The following CARMIL1 variants were observed in gnomAD, a reference collection of about 807,000 sequenced individuals.
CARMIL1 encodes the protein F-actin-uncapping protein LRRC16A.
CARMIL1 carries 90 observed loss-of-function variants against 177.1 expected under a neutral mutation model. That is an observed-to-expected ratio of 0.51 (90% CI 0.43 to 0.61). CARMIL1 has a LOEUF of 0.61. Ranked by LOEUF, CARMIL1 falls within the 20% of genes least tolerant of loss-of-function variation. CARMIL1 has a pLI of 0.00. For synonymous variants in CARMIL1, 577 were observed against 606.2 expected, an observed-to-expected ratio of 0.95 and a Z score of 0.71; for missense variants, 1,380 against 1,667.0, an observed-to-expected ratio of 0.83 and a Z score of 3.00.
intron 15 of CARMIL1, 111 bp downstream of exon 15, chr6:25,492,135 C>A (rs570444248): frequency 2.6e-5 from 22 of 846,238 alleles, no homozygotes; most frequent in Non-Finnish European, 3.5e-5. Flanking sequence ...TGAAAGAAGG[C>A]AGCCTTAAGC....
intron 12 of CARMIL1, among the ~76,000 whole-genome samples, chr6:25,485,418 CTTATT>C (rs1214657509): frequency 2.0e-5 from 3 of 152,250 alleles, no homozygotes; most frequent in African/African-American, 7.2e-5. Context: ...GAATTTTTAT[CTTATT>C]TTATTTTATT....
intron 4 of CARMIL1, among the ~76,000 whole-genome samples, chr6:25,429,179 C>G (rs899123884): frequency 6.6e-6 from 1 of 152,110 alleles, no homozygotes; most frequent in East Asian, 1.9e-4. Flanking sequence ...TGGAATAGTT[C>G]CATTGAATAA....
At chr6:25,557,348 C>G (rs1810716134) in intron 29 of CARMIL1, among the ~76,000 whole-genome samples, 1 of 152,068 alleles carries the variant, frequency 6.6e-6, no homozygotes, top group African/African-American at 2.4e-5. Flanking sequence ...ATAATGTTTA[C>G]CTAACTGTAG....
intron 2 of CARMIL1, among the ~76,000 whole-genome samples, chr6:25,313,217 C>T (rs1783977651): frequency 6.6e-6 from 1 of 151,890 alleles, no homozygotes; most frequent in South Asian, 2.1e-4. Context: ...AAAAAAAAAC[C>T]AAGCTTAGAT....
At chr6:25,404,845 G>T (rs1794225606) in intron 2 of CARMIL1, among the ~76,000 whole-genome samples, 1 of 122,414 alleles carries the variant, frequency 8.2e-6, no homozygotes, top group African/African-American at 3.3e-5. Context: ...CCTGTTTCTG[G>T]CAAAGTGCAG....
At chr6:25,607,517 G>A (rs1402997454) in intron 35 of CARMIL1, among the ~76,000 whole-genome samples, 1 of 152,144 alleles carries the variant, frequency 6.6e-6, no homozygotes, top group East Asian at 1.9e-4. Flanking sequence ...AAGTCACGCA[G>A]CTGGTGTGTC....
At chr6:25,407,399 A>T (rs916367559) in intron 2 of CARMIL1, among the ~76,000 whole-genome samples, 5 of 118,694 alleles carry the variant, frequency 4.2e-5, no homozygotes, top group Non-Finnish European at 8.9e-5. Context: ...ACACGAAGGG[A>T]CGGGCATTTA....
intron 2 of CARMIL1, among the ~76,000 whole-genome samples, chr6:25,393,101 CTG>C (rs1307494956): frequency 1.3e-5 from 2 of 151,830 alleles, no homozygotes; most frequent in Non-Finnish European, 2.9e-5. Flanking sequence ...CAGTAGAACT[CTG>C]TTCAGATCTC....
intron 5 of CARMIL1, among the ~76,000 whole-genome samples, chr6:25,438,271 C>T (rs575593527): frequency 8.7e-4 from 132 of 152,266 alleles, no homozygotes; most frequent in African/African-American, 3.0e-3. Flanking sequence ...TTATATATTC[C>T]ATGACTATTT....
chr6:25,435,569 C>A lies in CARMIL1; in HGVS notation c.336C>A (p.Thr112=), dbSNP rs769196410. Residue 112 remains threonine (T), a synonymous_variant, in exon 5 of 37, where the codon ACC becomes ACA. Transcript: ENST00000329474. ...GTGAGGTGCTGGCTCACATAGGCAC[C>A]TGCCTGAGGAAGATATTTCCTGGCC... ...DVSEVLAHIG[T]CLRKIFPGLS... is the part of the protein sequence containing the mutation. 2 of 1,568,210 alleles carry A rather than the reference C, an allele frequency of 1.3e-6. No individual in the cohort carries two copies. Among genetic ancestry groups the A allele is most frequent in the Non-Finnish European group, 1.7e-6 (2 of 1,155,418 alleles).
chr6:25,564,122 A>G (rs61340952), intron 29 of CARMIL1, among the ~76,000 whole-genome samples: 20,685 of 152,190 alleles, frequency 0.14, 1,811 homozygotes, highest in South Asian at 0.19. Context: ...ACATAATAAC[A>G]TATATGTCTT....
At chr6:25,572,827 T>C (rs1409802518) in intron 29 of CARMIL1, among the ~76,000 whole-genome samples, 1 of 149,676 alleles carries the variant, frequency 6.7e-6, no homozygotes, top group African/African-American at 2.5e-5. Context: ...TCATGAAAAA[T>C]AAATGTCTCT....
intron 2 of CARMIL1, among the ~76,000 whole-genome samples, chr6:25,356,033 T>C (rs547091045): frequency 5.1e-4 from 77 of 150,550 alleles, no homozygotes; most frequent in Non-Finnish European, 3.1e-4. Context: ...GGCTGGACTT[T>C]CCTCCTTCTA....
chr6:25,408,313 A>AG (rs1389811072), intron 2 of CARMIL1, among the ~76,000 whole-genome samples: 2 of 150,766 alleles, frequency 1.3e-5, no homozygotes, highest in African/African-American at 4.9e-5. Context: ...AAAAAAAAAA[A>AG]AGATTTCGGG....
intron 2 of CARMIL1, among the ~76,000 whole-genome samples, chr6:25,349,570 T>G (rs1189217671): frequency 6.6e-6 from 1 of 151,984 alleles, no homozygotes; most frequent in Admixed American, 6.6e-5. Flanking sequence ...TCCAGAAAAA[T>G]TTATGTTTGT....
intron 2 of CARMIL1, among the ~76,000 whole-genome samples, chr6:25,365,546 C>T (rs1220115189): frequency 1.3e-5 from 2 of 151,986 alleles, no homozygotes; most frequent in African/African-American, 2.4e-5. Flanking sequence ...CCGTCCGCCC[C>T]CCTCACTTTA....
chr6:25,534,410 G>A (rs1433786894), intron 24 of CARMIL1, among the ~76,000 whole-genome samples: 2 of 151,924 alleles, frequency 1.3e-5, no homozygotes, highest in Non-Finnish European at 2.9e-5. Flanking sequence ...TCCTAACCAG[G>A]AGATAGGAGT....
chr6:25,289,137 C>T (rs1413682829), intron 2 of CARMIL1, among the ~76,000 whole-genome samples: 2 of 152,182 alleles, frequency 1.3e-5, no homozygotes, highest in Non-Finnish European at 2.9e-5. Flanking sequence ...GAGTGTTCTC[C>T]TGAGGAATGG....
chr6:25,418,424 T>G (rs557022209), intron 2 of CARMIL1, among the ~76,000 whole-genome samples: 15 of 152,258 alleles, frequency 9.9e-5, no homozygotes, highest in South Asian at 6.2e-4. Flanking sequence ...GTAGCCAGTC[T>G]TGCTACTACC....
Sources: gnomAD v4.1 joint callset for allele counts (sites outside exome capture counted in the v4.1 genomes callset) on GRCh38, gnomAD v4.1.1 for gene constraint, MANE v1.5 for transcripts, NCBI Gene and HGNC (gene_info 2026-07-23, HGNC 2026-07-21) for gene names.